Variants in ARMC2 observed in about 807,000 individuals in gnomAD.
ARMC2 encodes the protein armadillo repeat-containing protein 2.
In ARMC2, 67 loss-of-function variants were observed where a neutral mutation model predicts 90.3. The observed-to-expected ratio is 0.74, with a 90% CI of 0.61 to 0.91. ARMC2 has a LOEUF of 0.91. ARMC2 is among the 40% of genes least tolerant of loss of function. The pLI is 0.00. For missense variants in ARMC2, 920 were observed against 1,030.9 expected, an observed-to-expected ratio of 0.89 and a Z score of 1.47; for synonymous variants, 393 against 393.0, an observed-to-expected ratio of 1.00 and a Z score of 0.00.
chr6:108,976,358 G>T (rs1049252045), downstream of ARMC2, among the ~76,000 whole-genome samples: 2 of 152,062 alleles, frequency 1.3e-5, no homozygotes, highest in Non-Finnish European at 2.9e-5. Flanking sequence ...TGTTCCATTG[G>T]TCTATATCTC....
intron 6 of ARMC2, among the ~76,000 whole-genome samples, chr6:108,895,625 AT>A (rs1408128174): frequency 6.6e-6 from 1 of 152,252 alleles, no homozygotes; most frequent in Non-Finnish European, 1.5e-5. Context: ...AAATGTATTC[AT>A]GCAATAGAAT....
chr6:108,944,382 G>T (rs575228434), intron 12 of ARMC2, among the ~76,000 whole-genome samples: 1 of 152,194 alleles, frequency 6.6e-6, no homozygotes, highest in Admixed American at 6.5e-5. Flanking sequence ...TGCCAGACTT[G>T]TGTCAAAATA....
intron 12 of ARMC2, among the ~76,000 whole-genome samples, chr6:108,952,736 T>C (rs957708009): frequency 3.9e-5 from 6 of 152,222 alleles, no homozygotes; most frequent in Admixed American, 3.9e-4. Flanking sequence ...ACTCAACTAA[T>C]TGTTCTCTGA....
intron 17 of ARMC2, among the ~76,000 whole-genome samples, chr6:108,972,364 GGAGA>G (rs1292093065): frequency 6.6e-6 from 1 of 152,128 alleles, no homozygotes; most frequent in African/African-American, 2.4e-5. Context: ...TTTCAGTTAT[GGAGA>G]GAGTTTGGGG....
At chr6:108,983,868 A>G in the ARMC2 span, among the ~76,000 whole-genome samples, 4 of 152,094 alleles carry the variant, frequency 2.6e-5, no homozygotes, top group African/African-American at 9.7e-5. Context: ...TGTGTCTTTA[A>G]TTTCTTAGTA....
chr6:109,022,117 CTTCTT>C, the ARMC2 span, among the ~76,000 whole-genome samples: 1 of 150,616 alleles, frequency 6.6e-6, no homozygotes, highest in Non-Finnish European at 1.5e-5. Flanking sequence ...TTTCTCCTTT[CTTCTT>C]TTAATTTCCT....
chr6:108,985,150 G>A, the ARMC2 span, among the ~76,000 whole-genome samples: 1 of 152,000 alleles, frequency 6.6e-6, no homozygotes, highest in Non-Finnish European at 1.5e-5. Flanking sequence ...AAATTTCAGA[G>A]TATATTGATA....
At chr6:108,948,534 C>T (rs903078940) in intron 12 of ARMC2, among the ~76,000 whole-genome samples, 16 of 150,536 alleles carry the variant, frequency 1.1e-4, no homozygotes, top group African/African-American at 2.2e-4. Context: ...CTGCAGACGG[C>T]GCAATCTGCC....
chr6:108,979,131 C>T (rs1388000711), downstream of ARMC2, among the ~76,000 whole-genome samples: 2 of 152,072 alleles, frequency 1.3e-5, no homozygotes, highest in South Asian at 2.1e-4. Context: ...TGGCTGGTAC[C>T]GGTTGTTCCT....
intron 11 of ARMC2, among the ~76,000 whole-genome samples, chr6:108,928,811 C>G (rs74491590): frequency 0.05 from 7,596 of 152,122 alleles, 240 homozygotes; most frequent in Middle Eastern, 0.092. Context: ...CTGTTTCCTC[C>G]CGCGCTGCTC....
At chr6:108,998,622 C>T in the ARMC2 span, 1 of 1,613,956 alleles carries the variant, frequency 6.2e-7, no homozygotes, top group Non-Finnish European at 8.5e-7. Flanking sequence ...TGTGTGGCCA[C>T]CATCACAATG....
At chr6:109,023,958 A>G in the ARMC2 span, among the ~76,000 whole-genome samples, 5 of 152,146 alleles carry the variant, frequency 3.3e-5, no homozygotes, top group East Asian at 9.6e-4. Context: ...TTTTCTGTAG[A>G]ATGAAATTCA....
chr6:108,996,936 C>A, the ARMC2 span, among the ~76,000 whole-genome samples: 1 of 152,100 alleles, frequency 6.6e-6, no homozygotes, highest in African/African-American at 2.4e-5. Context: ...AGAAGCCAAT[C>A]TGAAAAGGCT....
At chr6:108,984,038 T>C in the ARMC2 span, among the ~76,000 whole-genome samples, 10 of 152,310 alleles carry the variant, frequency 6.6e-5, no homozygotes, top group East Asian at 1.5e-3. Context: ...TGGATTTTCA[T>C]AGGAGCTTGA....
At position 108,953,214 on chromosome 6, in the gene ARMC2, C is replaced by A. The variant is rs200354649; in HGVS notation, c.1778C>A (p.Ala593Glu). The A allele has an allele frequency of 3.1e-6, 5 of 1,613,966 alleles. No individual in the cohort carries two copies. In the Admixed American group the frequency reaches 6.7e-5, roughly 22 times the overall value. The stretch of plus-strand genomic sequence containing the variant: ...GGCCAACGAGGCGAGCAGCACAGGG[C>A]GCAGAGGCCGCCGTCAGAGGCAGAG... Reference protein sequence around the residue: ...PVGQRGEQHRAQRPPSEAEDV... With the variant: ...PVGQRGEQHREQRPPSEAEDV... The change falls in exon 13 of 18, where the codon GCG becomes GAG. Residue 593 changes from alanine (A) to glutamate (E), a missense_variant. Physicochemically the swap from Ala to Glu is moderately radical, Grantham distance 107. Coordinates refer to ENST00000392644, the MANE Select transcript of ARMC2 (RefSeq NM_032131.6).
chr6:108,935,549 C>T (rs1310211950), intron 11 of ARMC2, among the ~76,000 whole-genome samples: 1 of 152,138 alleles, frequency 6.6e-6, no homozygotes, highest in African/African-American at 2.4e-5. Flanking sequence ...TCAAGCGATT[C>T]TCCTGCCTCA....
intron 10 of ARMC2, among the ~76,000 whole-genome samples, chr6:108,924,615 C>T (rs1774938836): frequency 2.0e-5 from 3 of 152,140 alleles, no homozygotes; most frequent in African/African-American, 7.2e-5. Flanking sequence ...GGTTGAGGAC[C>T]TCATGTGGTG....
At chr6:108,912,307 C>T (rs753945790) in intron 9 of ARMC2, 28 bp from the exon 10 acceptor site, 2 of 1,500,544 alleles carry the variant, frequency 1.3e-6, no homozygotes, top group East Asian at 2.3e-5. Flanking sequence ...TATACTCAGA[C>T]ATTTATAATA....
intron 5 of ARMC2, among the ~76,000 whole-genome samples, chr6:108,881,290 C>T (rs1174559418): frequency 7.7e-6 from 1 of 129,482 alleles, no homozygotes; most frequent in Non-Finnish European, 1.6e-5. Flanking sequence ...CCCCTCCCCT[C>T]CCCTCCCCTT....
Sources: gnomAD v4.1 joint callset for allele counts (sites outside exome capture counted in the v4.1 genomes callset) on GRCh38, gnomAD v4.1.1 for gene constraint, MANE v1.5 for transcripts, NCBI Gene and HGNC (gene_info 2026-07-23, HGNC 2026-07-21) for gene names.